Variants in C1QTNF3 observed in about 807,000 individuals in gnomAD.
C1QTNF3 encodes the protein complement C1q tumor necrosis factor-related protein 3.
A neutral mutation model predicts 32.6 loss-of-function variants in C1QTNF3; 26 were observed. The ratio of observed to expected loss-of-function variants is 0.80; its 90% CI spans 0.58 to 1.11. The LOEUF (loss-of-function observed/expected upper bound fraction) is 1.11, where lower values mean the gene tolerates loss of function less well. C1QTNF3 is among the 50% of genes least tolerant of loss of function. The probability of loss-of-function intolerance (pLI) is 0.00; values close to 1 mark genes in which losing one functional copy is unlikely to be tolerated. For synonymous variants in C1QTNF3, 155 were observed against 146.0 expected (o/e 1.06, Z -0.44); for missense variants, 362 against 398.2 (o/e 0.91, Z 0.77).
the C1QTNF3 span, among the ~76,000 whole-genome samples, chr5:34,177,316 C>A: frequency 1.3e-5 from 2 of 151,996 alleles, no homozygotes; most frequent in African/African-American, 4.8e-5. Context: ...TCCATCATTG[C>A]AAAGGTTCTT....
intron 5 of C1QTNF3, among the ~76,000 whole-genome samples, chr5:34,022,540 G>T (rs1754356626): frequency 6.6e-6 from 1 of 152,240 alleles, no homozygotes; most frequent in Non-Finnish European, 1.5e-5. Context: ...GTCTCCCATA[G>T]GGACAGGGAG....
At chr5:34,134,495 G>A in the C1QTNF3 span, among the ~76,000 whole-genome samples, 1 of 152,044 alleles carries the variant, frequency 6.6e-6, no homozygotes, top group Non-Finnish European at 1.5e-5. Context: ...TCAGAACACC[G>A]CTTATAACCA....
the C1QTNF3 span, among the ~76,000 whole-genome samples, chr5:34,128,551 G>A: frequency 5.3e-5 from 8 of 152,348 alleles, no homozygotes; most frequent in South Asian, 1.7e-3. Flanking sequence ...AGAGACACAA[G>A]AGTAGAATTG....
chr5:34,176,344 G>A, the C1QTNF3 span, among the ~76,000 whole-genome samples: 11 of 150,420 alleles, frequency 7.3e-5, no homozygotes, highest in South Asian at 1.7e-3. Flanking sequence ...CATGGCACAT[G>A]TATACGTATG....
At chr5:34,239,088 A>G in the C1QTNF3 span, among the ~76,000 whole-genome samples, 1 of 152,176 alleles carries the variant, frequency 6.6e-6, no homozygotes, top group Non-Finnish European at 1.5e-5. Flanking sequence ...CAGATAAGCA[A>G]ATACTGAGGG....
At chr5:34,224,291 G>C in the C1QTNF3 span, among the ~76,000 whole-genome samples, 1 of 152,168 alleles carries the variant, frequency 6.6e-6, no homozygotes, top group Non-Finnish European at 1.5e-5. Context: ...CACAGAATTG[G>C]AAATAACTAC....
At chr5:34,232,991 C>T in the C1QTNF3 span, among the ~76,000 whole-genome samples, 1 of 145,842 alleles carries the variant, frequency 6.9e-6, no homozygotes, top group Admixed American at 7.0e-5. Context: ...CTTACTGTAA[C>T]TACAGTGCAT....
At chr5:34,191,311 T>A in the C1QTNF3 span, 9,570 of 704,932 alleles carry the variant, frequency 0.014, 1 homozygote, top group South Asian at 0.021. Context: ...CCGGACCAGA[T>A]CCTGCCTCAA....
the C1QTNF3 span, among the ~76,000 whole-genome samples, chr5:34,197,533 AT>A: frequency 6.6e-6 from 1 of 152,150 alleles, no homozygotes; most frequent in African/African-American, 2.4e-5. Flanking sequence ...GTATTTTTCC[AT>A]TTAAAAATTA....
chr5:34,061,454 C>T, the C1QTNF3 span, among the ~76,000 whole-genome samples: 4 of 152,200 alleles, frequency 2.6e-5, no homozygotes, highest in African/African-American at 9.6e-5. Flanking sequence ...CCCACATTTC[C>T]CTTCCACACT....
At chr5:34,076,673 A>G in the C1QTNF3 span, among the ~76,000 whole-genome samples, 8 of 151,754 alleles carry the variant, frequency 5.3e-5, no homozygotes, top group Non-Finnish European at 1.2e-4. Flanking sequence ...TTAATAAAAC[A>G]TGAACTCATC....
chr5:34,060,340 T>C, the C1QTNF3 span, among the ~76,000 whole-genome samples: 2 of 152,346 alleles, frequency 1.3e-5, no homozygotes, highest in Admixed American at 1.3e-4. Context: ...CTATATACTA[T>C]AGCCTATTGC....
At chr5:34,065,345 C>A in the C1QTNF3 span, among the ~76,000 whole-genome samples, 9 of 152,060 alleles carry the variant, frequency 5.9e-5, no homozygotes, top group African/African-American at 1.9e-4. Flanking sequence ...ACACGCCATC[C>A]CACACCAGTC....
chr5:34,158,150 A>AGGCTGGAG, the C1QTNF3 span: 1 of 147,114 alleles, frequency 6.8e-6, no homozygotes, highest in African/African-American at 2.5e-5. Context: ...TCTGTCGCAC[A>AGGCTGGAG]GGCTGGAGTA....
At chr5:34,236,763 A>G in the C1QTNF3 span, among the ~76,000 whole-genome samples, 1 of 151,800 alleles carries the variant, frequency 6.6e-6, no homozygotes, top group African/African-American at 2.4e-5. Context: ...TTTAGTACAC[A>G]TGGGGTTTCA....
the C1QTNF3 span, among the ~76,000 whole-genome samples, chr5:34,085,729 C>A: frequency 6.6e-6 from 1 of 151,714 alleles, no homozygotes; most frequent in African/African-American, 2.4e-5. Flanking sequence ...CAAATCAAAA[C>A]CACAATGAGA....
chr5:34,030,710 AAG>A (rs1754590406), intron 3 of C1QTNF3, among the ~76,000 whole-genome samples: 2 of 152,196 alleles, frequency 1.3e-5, no homozygotes, highest in Non-Finnish European at 2.9e-5. Flanking sequence ...AGACTGGATA[AAG>A]AAAGTGTGCT....
chr5:34,044,390 G>T (rs299616), upstream of C1QTNF3, among the ~76,000 whole-genome samples: 42 of 152,204 alleles, frequency 2.8e-4, no homozygotes, highest in African/African-American at 5.5e-4. Context: ...AAATAGCATG[G>T]GTGGCAAGCG....
chr5:34,057,451 T>C, the C1QTNF3 span, among the ~76,000 whole-genome samples: 1 of 152,184 alleles, frequency 6.6e-6, no homozygotes, highest in Non-Finnish European at 1.5e-5. Flanking sequence ...AAGAAATAGA[T>C]TGAGGATAGA....
Sources: allele counts gnomAD v4.1 joint callset (sites outside exome capture counted in the v4.1 genomes callset), GRCh38; gene constraint gnomAD v4.1.1; transcripts MANE v1.5; gene names NCBI Gene and HGNC (gene_info 2026-07-23, HGNC 2026-07-21).